PDE8B: variants seen among roughly 807,000 people sequenced by gnomAD.
The protein encoded by PDE8B is high affinity cAMP-specific and IBMX-insensitive 3',5'-cyclic phosphodiesterase 8B.
Under a neutral mutation model 101.3 loss-of-function variants are expected in PDE8B, and 26 were observed. The ratio of observed to expected loss-of-function variants is 0.26; its 90% CI spans 0.19 to 0.36. PDE8B has a LOEUF of 0.36. Ranked by LOEUF, PDE8B falls within the 10% of genes least tolerant of loss-of-function variation. The pLI is 1.00. For synonymous variants in PDE8B, 424 were observed against 429.3 expected (o/e 0.99, Z 0.15); for missense variants, 810 against 1,163.1 (o/e 0.70, Z 4.42).
intron 1 of PDE8B, among the ~76,000 whole-genome samples, chr5:77,302,120 G>T (rs1770090905): frequency 1.3e-5 from 2 of 152,096 alleles, no homozygotes; most frequent in African/African-American, 4.8e-5. Flanking sequence ...TTTGTCAGGG[G>T]GAAATGGCTT....
chr5:77,388,791 G>C (rs974743996), intron 10 of PDE8B, among the ~76,000 whole-genome samples: 60 of 152,158 alleles, frequency 3.9e-4, no homozygotes, highest in Admixed American at 3.9e-3. Flanking sequence ...AATCTAGAGA[G>C]GCAGTCTGGC....
At chr5:77,241,156 C>T (rs139169032) in intron 1 of PDE8B, among the ~76,000 whole-genome samples, 151 of 152,246 alleles carry the variant, frequency 9.9e-4, no homozygotes, top group Non-Finnish European at 1.4e-3. Context: ...ATAAAACATC[C>T]GGAAAACTGG....
chr5:77,095,770 A>T, the PDE8B span, among the ~76,000 whole-genome samples: 1 of 152,196 alleles, frequency 6.6e-6, no homozygotes, highest in Non-Finnish European at 1.5e-5. Flanking sequence ...AACTTTCTGT[A>T]AAGTATCGAT....
chr5:77,167,953 T>C, the PDE8B span, among the ~76,000 whole-genome samples: 2 of 151,552 alleles, frequency 1.3e-5, no homozygotes, highest in African/African-American at 4.9e-5. Context: ...ATGAGCCAAA[T>C]GTTTGATGAT....
rs151141013 is a variant in PDE8B, at chr5:77,280,622, G to A, written c.340-31372G>A. 5.3e-3 allele frequency among the ~76,000 whole-genome samples: 812 copies of A among 152,186 alleles called. 8 individuals are homozygous for A. Among genetic ancestry groups the A allele is most frequent in the African/African-American group, 0.019 (783 of 41,514 alleles). ...GTAGCAGTTCACAGACTGGCCAGGC[G>A]CGGTGGCTCACGCCTGTAATCCCAG... On this transcript the variant is annotated intron_variant, in intron 1 of 21. Coordinates refer to ENST00000264917, the MANE Select transcript of PDE8B (RefSeq NM_003719.5).
chr5:77,187,759 G>A, the PDE8B span, among the ~76,000 whole-genome samples: 11 of 152,192 alleles, frequency 7.2e-5, no homozygotes, highest in African/African-American at 1.7e-4. Context: ...TTTCATCTTC[G>A]AAAGAATTTT....
At chr5:77,297,054 CAGGG>C (rs1284141877) in intron 1 of PDE8B, among the ~76,000 whole-genome samples, 4 of 152,136 alleles carry the variant, frequency 2.6e-5, no homozygotes, top group Non-Finnish European at 5.9e-5. Flanking sequence ...AGTACAAAGG[CAGGG>C]GCCTTTGTAC....
the PDE8B span, among the ~76,000 whole-genome samples, chr5:77,117,838 A>G: frequency 1.3e-5 from 2 of 152,164 alleles, no homozygotes; most frequent in Non-Finnish European, 2.9e-5. Flanking sequence ...TTTTTTTTCA[A>G]CCAATAGTTA....
chr5:77,219,345 C>T (rs1750567111), intron 1 of PDE8B, among the ~76,000 whole-genome samples: 2 of 152,144 alleles, frequency 1.3e-5, no homozygotes, highest in Admixed American at 6.5e-5. Context: ...TGATTAGCTC[C>T]AGGGACCCAG....
At chr5:77,303,701 C>T (rs1464645990) in intron 1 of PDE8B, among the ~76,000 whole-genome samples, 4 of 152,188 alleles carry the variant, frequency 2.6e-5, no homozygotes, top group Admixed American at 6.5e-5. Flanking sequence ...AGTTTGTCAG[C>T]ATTTCTTTGT....
At chr5:77,258,554 A>G (rs1361539402) in intron 1 of PDE8B, among the ~76,000 whole-genome samples, 1 of 152,126 alleles carries the variant, frequency 6.6e-6, no homozygotes, top group Non-Finnish European at 1.5e-5. Context: ...GTGACAAAGA[A>G]CCCCACACTT....
chr5:77,300,266 G>A (rs765390610), intron 1 of PDE8B, among the ~76,000 whole-genome samples: 2 of 152,232 alleles, frequency 1.3e-5, no homozygotes, highest in Non-Finnish European at 2.9e-5. Flanking sequence ...AGAAGAGGAT[G>A]ATGTCAGTGG....
chr5:77,191,649 G>A, the PDE8B span, among the ~76,000 whole-genome samples: 7 of 152,224 alleles, frequency 4.6e-5, no homozygotes, highest in South Asian at 4.2e-4. Flanking sequence ...CACTGTGCCC[G>A]GCCAAAACAT....
At chr5:77,396,040 G>A (rs926567441) in intron 10 of PDE8B, among the ~76,000 whole-genome samples, 1 of 152,168 alleles carries the variant, frequency 6.6e-6, no homozygotes, top group African/African-American at 2.4e-5. Flanking sequence ...GCTGGGGATC[G>A]TGCATCAACC....
At chr5:77,405,665 G>A (rs1793277174) in intron 12 of PDE8B, among the ~76,000 whole-genome samples, 1 of 152,142 alleles carries the variant, frequency 6.6e-6, no homozygotes, top group African/African-American at 2.4e-5. Flanking sequence ...AATAGGGCCA[G>A]TAAAGAGGAC....
chr5:77,400,591 G>A (rs1000742083), intron 11 of PDE8B, among the ~76,000 whole-genome samples: 2 of 152,142 alleles, frequency 1.3e-5, no homozygotes, highest in African/African-American at 2.4e-5. Context: ...GAAAGTCTAG[G>A]GGAGACACTG....
intron 20 of PDE8B, among the ~76,000 whole-genome samples, chr5:77,423,492 A>C (rs1294119065): frequency 2.0e-5 from 3 of 152,138 alleles, no homozygotes; most frequent in Admixed American, 2.0e-4. Context: ...ACAGTGTATA[A>C]GCATTCTTTT....
At chr5:77,379,907 A>T (rs538082588) in intron 10 of PDE8B, among the ~76,000 whole-genome samples, 11 of 152,310 alleles carry the variant, frequency 7.2e-5, no homozygotes, top group Admixed American at 7.2e-4. Flanking sequence ...AGTTCCTGCG[A>T]TCACATCTCT....
At chr5:77,389,687 A>G (rs991957184) in intron 10 of PDE8B, among the ~76,000 whole-genome samples, 8 of 152,082 alleles carry the variant, frequency 5.3e-5, no homozygotes. Flanking sequence ...ACTTTTCTGA[A>G]TTACTTAACC....
Sources: gnomAD v4.1 joint callset for allele counts (sites outside exome capture counted in the v4.1 genomes callset) on GRCh38, gnomAD v4.1.1 for gene constraint, MANE v1.5 for transcripts, NCBI Gene and HGNC (gene_info 2026-07-23, HGNC 2026-07-21) for gene names.